SCAPER: variants seen among roughly 807,000 people sequenced by gnomAD.
SCAPER encodes the protein S phase cyclin A-associated protein in the endoplasmic reticulum.
Under a neutral mutation model 182.2 loss-of-function variants are expected in SCAPER, and 98 were observed. That is an observed-to-expected ratio of 0.54 (90% CI 0.46 to 0.64). SCAPER has a LOEUF of 0.64. SCAPER is among the 30% of genes least tolerant of loss of function. SCAPER has a pLI of 0.00. For missense variants in SCAPER, 1,432 were observed against 1,690.0 expected (o/e 0.85, Z 2.68); for synonymous variants, 605 against 564.6 (o/e 1.07, Z -1.01).
intron 20 of SCAPER, among the ~76,000 whole-genome samples, chr15:76,680,451 A>C (rs980701532): frequency 4.4e-4 from 63 of 141,910 alleles, no homozygotes; most frequent in Non-Finnish European, 7.8e-4. Context: ...AATAATAATA[A>C]TACAGGGGCC....
At chr15:76,419,239 G>C (rs868155208) in intron 26 of SCAPER, among the ~76,000 whole-genome samples, 1 of 151,046 alleles carries the variant, frequency 6.6e-6, no homozygotes, top group Non-Finnish European at 1.5e-5. Context: ...GGTGGCAGGA[G>C]AATCGCTTGA....
chr15:76,862,486 A>C lies in SCAPER; in HGVS notation c.54T>G (p.Val18=). 1 of 1,613,406 alleles carries C rather than the reference A, an allele frequency of 6.2e-7. No homozygotes were observed. The highest frequency in any genetic ancestry group is 8.5e-7 in the Non-Finnish European group (1 of 1,179,616). ...SNSHDKVRRI[V]AEEGRTARNL... ...TTCTTGCTGTACGACCCTCCTCTGC[A>C]ACTATTCTCCTTACTTTGTCATGAC... Residue 18 remains valine, a synonymous_variant, in exon 3 of 32, where the codon GTT becomes GTG. Coordinates refer to ENST00000563290, the MANE Select transcript of SCAPER (RefSeq NM_020843.4).
chr15:76,383,085 G>GGTGT (rs75365486), intron 27 of SCAPER, among the ~76,000 whole-genome samples: 1 of 148,596 alleles, frequency 6.7e-6, no homozygotes, highest in Admixed American at 6.6e-5. Context: ...TGTGTGTATA[G>GGTGT]GTGTGTGTGT....
intron 15 of SCAPER, among the ~76,000 whole-genome samples, chr15:76,738,690 A>T (rs2061400655): frequency 6.6e-6 from 1 of 152,186 alleles, no homozygotes; most frequent in Non-Finnish European, 1.5e-5. Flanking sequence ...GTCAGAACAC[A>T]CAAAACATTT....
intron 21 of SCAPER, among the ~76,000 whole-genome samples, chr15:76,654,960 C>T (rs1047873395): frequency 5.3e-5 from 8 of 152,236 alleles, no homozygotes; most frequent in African/African-American, 1.9e-4. Context: ...TGAGAAAGAA[C>T]TAGTGCAAGA....
In SCAPER at chr15:76,348,161, T is replaced by A. The variant is rs968011491; in HGVS notation, c.*472A>T. 5 of 152,526 alleles carry A rather than the reference T, an allele frequency of 3.3e-5. No individual in the cohort carries two copies. Among genetic ancestry groups the A allele is most frequent in the African/African-American group, 1.2e-4 (5 of 41,466 alleles). 9.4% of individuals were successfully genotyped at this position (152,526 alleles called of 1,614,324 possible). ...AATGCAAAAGTGTTGCAAATATCTTTACCGTAGACCTTAAAAAGTTAAATT... is the reference window on the plus strand; with the variant it reads ...AATGCAAAAGTGTTGCAAATATCTTAACCGTAGACCTTAAAAAGTTAAATT... On this transcript the variant is annotated 3_prime_UTR_variant, in exon 32 of 32. Transcript: ENST00000563290.
At chr15:76,659,843 T>G (rs1456743147) in intron 21 of SCAPER, among the ~76,000 whole-genome samples, 1 of 152,192 alleles carries the variant, frequency 6.6e-6, no homozygotes, top group Non-Finnish European at 1.5e-5. Context: ...GTCTGTAGAT[T>G]TCTCAAAGAA....
At position 76,651,975 on chromosome 15, in the gene SCAPER, A is replaced by T. The variant is rs376235532; in HGVS notation, c.2645+13678T>A. Among the ~76,000 whole-genome samples, 24 of 152,092 alleles carry T rather than the reference A, an allele frequency of 1.6e-4. No homozygotes were observed. In the East Asian group the frequency reaches 2.5e-3, roughly 16 times the overall value. On this transcript the variant is annotated intron_variant, in intron 21 of 31. Transcript: ENST00000563290. ...GAGATGTAAGGCTGGTTCAATCAGC[A>T]ACTCAATAAATGTGATTCACCACAT...
At chr15:76,728,911 G>C (rs1272595448) in intron 16 of SCAPER, among the ~76,000 whole-genome samples, 174 bp from the exon 17 acceptor site, 3 of 152,120 alleles carry the variant, frequency 2.0e-5, no homozygotes, top group Admixed American at 2.0e-4. Flanking sequence ...ATGATATCTG[G>C]TTTCTGAAAG....
chr15:76,785,267 C>T (rs1351765008), intron 8 of SCAPER, among the ~76,000 whole-genome samples: 1 of 152,210 alleles, frequency 6.6e-6, no homozygotes, highest in African/African-American at 2.4e-5. Context: ...AGCCAACAGG[C>T]ACATGAAGAA....
intron 23 of SCAPER, among the ~76,000 whole-genome samples, chr15:76,529,591 C>T (rs1289969595): frequency 3.9e-5 from 6 of 152,142 alleles, no homozygotes. Context: ...TAAGAGAAGG[C>T]CTTCTGAGAA....
chr15:76,744,485 T>G (rs1456769863), intron 15 of SCAPER, among the ~76,000 whole-genome samples: 1 of 152,030 alleles, frequency 6.6e-6, no homozygotes, highest in Non-Finnish European at 1.5e-5. Flanking sequence ...AAGACATGAA[T>G]TGACATTTCT....
intron 23 of SCAPER, among the ~76,000 whole-genome samples, chr15:76,555,256 C>T (rs1323527145): frequency 2.0e-5 from 3 of 152,116 alleles, no homozygotes; most frequent in African/African-American, 7.2e-5. Context: ...TATAGAAAGG[C>T]CATTACCAGC....
rs577603723 is a variant in SCAPER at position 76,853,570 on chromosome 15, T to C, written c.195+4239A>G. On this transcript the variant is annotated intron_variant, in intron 4 of 31. Coordinates refer to ENST00000563290, the MANE Select transcript of SCAPER (RefSeq NM_020843.4). ...GAACTAAAGAAAAAAAAAAACCACA[T>C]AGTTATCTCAATGGATGCAGAAAAA... Among the ~76,000 whole-genome samples, 15 of 151,266 alleles carry C rather than the reference T, an allele frequency of 9.9e-5. 2 individuals are homozygous for C. The South Asian group carries it at 1.5e-3, about 15-fold the overall frequency.
At position 76,439,691 on chromosome 15, in the gene SCAPER, A is replaced by G. The variant is rs561055642; in HGVS notation, c.3079-5381T>C. Among the ~76,000 whole-genome samples the G allele has an allele frequency of 2.6e-5, 4 of 152,178 alleles. 1 individual carries two copies. Among genetic ancestry groups the G allele is most frequent in the African/African-American group, 9.6e-5 (4 of 41,518 alleles). ...CCCTTCCCCCACTCTGCTCTATTAC[A>G]CACCTGACTTACCTGAGTCTGGAAC... On this transcript the variant is annotated intron_variant, in intron 25 of 31. Coordinates refer to ENST00000563290, the MANE Select transcript of SCAPER (RefSeq NM_020843.4).
intron 9 of SCAPER, among the ~76,000 whole-genome samples, chr15:76,773,905 A>G (rs1486815578): frequency 1.1e-4 from 16 of 151,924 alleles, no homozygotes; most frequent in Admixed American, 1.1e-3. Context: ...ATTTTACATA[A>G]AATTACACCA....
At chr15:76,356,550 G>C (rs1477875586) in intron 29 of SCAPER, among the ~76,000 whole-genome samples, 1 of 152,132 alleles carries the variant, frequency 6.6e-6, no homozygotes, top group East Asian at 1.9e-4. Context: ...GCATAATTAA[G>C]AGACATCTCA....
At chr15:76,792,759 T>C (rs1045916521) in intron 8 of SCAPER, among the ~76,000 whole-genome samples, 1 of 152,220 alleles carries the variant, frequency 6.6e-6, no homozygotes. Context: ...TCATGTTGGA[T>C]ACTTTAGTTT....
intron 24 of SCAPER, among the ~76,000 whole-genome samples, chr15:76,482,353 T>C (rs2051213067): frequency 6.6e-6 from 1 of 152,182 alleles, no homozygotes; most frequent in Non-Finnish European, 1.5e-5. Flanking sequence ...AGTTTTTTAG[T>C]TTTATCTTAA....
Sources: gnomAD v4.1 joint callset for allele counts (sites outside exome capture counted in the v4.1 genomes callset) on GRCh38, gnomAD v4.1.1 for gene constraint, MANE v1.5 for transcripts, NCBI Gene and HGNC (gene_info 2026-07-23, HGNC 2026-07-21) for gene names.